The following BLM variants were observed in gnomAD, a reference collection of about 807,000 sequenced individuals.
The protein encoded by BLM is BLM RecQ like helicase.
Under a neutral mutation model 135.3 loss-of-function variants are expected in BLM, and 95 were observed. That is an observed-to-expected ratio of 0.70 (90% confidence interval 0.59 to 0.83). The LOEUF is 0.83. BLM is among the 40% of genes least tolerant of loss of function. BLM has a pLI of 0.00. For synonymous variants in BLM, 520 were observed against 589.2 expected (o/e 0.88, Z 1.70); for missense variants, 1,518 against 1,663.9 (o/e 0.91, Z 1.53).
intron 4 of BLM, among the ~76,000 whole-genome samples, chr15:90,754,244 A>G (rs530050096): frequency 1.1e-3 from 170 of 152,316 alleles, no homozygotes; most frequent in Middle Eastern, 0.01. Flanking sequence ...TATTTTTTCT[A>G]TGTAATCAGA....
intron 15 of BLM, 50 bp downstream of exon 15, chr15:90,790,894 T>G (rs766033083): frequency 2.6e-5 from 40 of 1,539,374 alleles, no homozygotes; most frequent in South Asian, 4.5e-5. Flanking sequence ...AGCCTCATGA[T>G]AGTAGTCTAC....
At position 90,795,855 on chromosome 15, in the gene BLM, C is replaced by T. The variant is rs556952725; in HGVS notation, c.3210+1498C>T. Among the ~76,000 whole-genome samples, 78 of 152,306 alleles carry T rather than the reference C, an allele frequency of 5.1e-4. 1 individual carries two copies. The South Asian group carries it at 0.016, about 31-fold the overall frequency. On this transcript the variant is annotated intron_variant, in intron 16 of 21. Coordinates refer to ENST00000355112, the MANE Select transcript of BLM (RefSeq NM_000057.4). ...GGAGGAATGGGTAGAGTGCAGGATG[C>T]AGTATTAGACGGGGTGGTCCTTGGA...
At chr15:90,805,105 G>C (rs1466511448) in intron 19 of BLM, among the ~76,000 whole-genome samples, 1 of 151,822 alleles carries the variant, frequency 6.6e-6, no homozygotes, top group Non-Finnish European at 1.5e-5. Context: ...CAAAGTGCTG[G>C]GATTATAGGC....
At position 90,804,150 on chromosome 15, in the gene BLM, G is replaced by C. The variant is rs568816868; in HGVS notation, c.3559-17G>C. Reference sequence around the variant, plus strand: ...GCACATATACCCACTCCTATGATTTGTTTCTCTCTCATAAAGGTAGACTTT... The same window carrying C: ...GCACATATACCCACTCCTATGATTTCTTTCTCTCTCATAAAGGTAGACTTT... On this transcript the variant is annotated splice_polypyrimidine_tract_variant and intron_variant, in intron 18 of 21. Coordinates refer to ENST00000355112, the MANE Select transcript of BLM (RefSeq NM_000057.4). The C allele has an allele frequency of 6.2e-7, 1 of 1,608,704 alleles. No individual in the cohort carries two copies. Among genetic ancestry groups the C allele is most frequent in the Non-Finnish European group, 8.5e-7 (1 of 1,175,642 alleles).
At chr15:90,800,653 G>A (rs189377981) in intron 17 of BLM, among the ~76,000 whole-genome samples, 81 of 151,528 alleles carry the variant, frequency 5.3e-4, no homozygotes, top group Non-Finnish European at 1.0e-3. Context: ...GCACTCCAGC[G>A]TGGGCAACAA....
chr15:90,801,656 C>G (rs1265234308), intron 17 of BLM, among the ~76,000 whole-genome samples: 1 of 152,104 alleles, frequency 6.6e-6, no homozygotes, highest in African/African-American at 2.4e-5. Flanking sequence ...GATTTCAGGT[C>G]CTTCTGTGTG....
intron 1 of BLM, among the ~76,000 whole-genome samples, chr15:90,727,518 G>T (rs28364258): frequency 0.01 from 1,544 of 151,964 alleles, 29 homozygotes; most frequent in African/African-American, 0.035. Context: ...CACTGATCAG[G>T]TTGTTTTACT....
intron 1 of BLM, among the ~76,000 whole-genome samples, chr15:90,745,189 T>C (rs911804941): frequency 6.6e-6 from 1 of 152,144 alleles, no homozygotes; most frequent in Non-Finnish European, 1.5e-5. Flanking sequence ...TCATAAGGAC[T>C]GAAGAGCCCG....
In BLM at chr15:90,769,521, G is replaced by A. The variant is rs765233032; in HGVS notation, c.2490G>A (p.Thr830=). ...KFPSVPVMAL[T]ATANPRVQKD... ...CTTCTGTTCCGGTGATGGCTCTTAC[G>A]GCCACAGCTAATCCCAGGGTACAGA... Residue 830 remains threonine, a synonymous_variant, in exon 12 of 22, where the codon ACG becomes ACA. Transcript: ENST00000355112. 21 of 1,613,654 alleles carry A rather than the reference G, an allele frequency of 1.3e-5. No individual in the cohort carries two copies. Among genetic ancestry groups the A allele is most frequent in the East Asian group, 1.1e-4 (5 of 44,886 alleles).
chr15:90,769,677 C>T (rs1313510257), intron 12 of BLM, 91 bp downstream of exon 12: 2 of 1,387,488 alleles, frequency 1.4e-6, no homozygotes, highest in African/African-American at 1.4e-5. Flanking sequence ...GCTTTAACGC[C>T]ACCACCCCAC....
At chr15:90,717,521 G>T (rs1894637510) in intron 1 of BLM, 81 bp downstream of exon 1, 2 of 152,802 alleles carry the variant, frequency 1.3e-5, no homozygotes. Context: ...GCTGGAGGCC[G>T]CTCGGGTTCT....
At chr15:90,789,244 T>C (rs1896838576) in intron 14 of BLM, among the ~76,000 whole-genome samples, 3 of 152,216 alleles carry the variant, frequency 2.0e-5, no homozygotes, top group Admixed American at 6.5e-5. Flanking sequence ...CAAAGAATGA[T>C]TGTGGCTTGA....
intron 17 of BLM, among the ~76,000 whole-genome samples, chr15:90,801,080 C>T (rs1299816729): frequency 1.3e-5 from 2 of 151,064 alleles, no homozygotes; most frequent in African/African-American, 4.9e-5. Flanking sequence ...ATCTGGGAGG[C>T]GGAGGTTGCA....
At chr15:90,800,240 A>G (rs1897132121) in intron 17 of BLM, among the ~76,000 whole-genome samples, 1 of 152,240 alleles carries the variant, frequency 6.6e-6, no homozygotes, top group Non-Finnish European at 1.5e-5. Flanking sequence ...CATCAGCTTA[A>G]TATCAGCAAT....
chr15:90,787,024 C>G (rs1425307052), intron 14 of BLM, among the ~76,000 whole-genome samples: 1 of 127,836 alleles, frequency 7.8e-6, no homozygotes, highest in African/African-American at 2.9e-5. Context: ...GCTGAAAATA[C>G]TTTAGGCATC....
chr15:90,784,936 T>C lies in BLM; in HGVS notation c.2678T>C (p.Ile893Thr). Residue 893 changes from isoleucine (I) to threonine (T), a missense_variant, in exon 14 of 22, where the codon ATT (isoleucine) becomes ACT (threonine). Physicochemically the swap from Ile to Thr is moderately conservative, Grantham distance 89. Around this residue, in one of 5 missense-constraint regions of BLM, gnomAD observed 626 missense variants for 681.1 expected, o/e 0.92. Coordinates refer to ENST00000355112, the MANE Select transcript of BLM (RefSeq NM_000057.4). ...TTCTTGGCAGATGATTCAGGGATAATTTACTGCCTCTCCAGGCGAGAATGT... is the reference window on the plus strand; with the variant it reads ...TTCTTGGCAGATGATTCAGGGATAACTTACTGCCTCTCCAGGCGAGAATGT... ...RKHHPYDSGI[I>T]YCLSRRECDT... The C allele has an allele frequency of 6.2e-7, 1 of 1,613,850 alleles. No homozygotes were observed. The highest frequency in any genetic ancestry group is 1.1e-5 in the South Asian group (1 of 91,066).
At position 90,770,612 on chromosome 15, in the gene BLM, AT is replaced by A. The variant is rs28385049; in HGVS notation, c.2555+1033del. ...AACTGTTGTGTGCCGAGTTTAAAGTATTTTTTTCTTCTGATTTATTAGTGTG... is the reference window on the plus strand; with the variant it reads ...AACTGTTGTGTGCCGAGTTTAAAGTATTTTTTCTTCTGATTTATTAGTGTG... On this transcript the variant is annotated intron_variant, in intron 12 of 21. Transcript: ENST00000355112. 4.6e-3 allele frequency among the ~76,000 whole-genome samples: 707 copies of A among 152,254 alleles called. 2 individuals carry two copies. The highest frequency in any genetic ancestry group is 7.6e-3 in the Non-Finnish European group (518 of 68,016).
chr15:90,750,766 A>G (rs570444253), intron 3 of BLM, among the ~76,000 whole-genome samples: 3 of 152,312 alleles, frequency 2.0e-5, no homozygotes, highest in Admixed American at 6.5e-5. Context: ...GTGCTATTTC[A>G]TTAGTTGTTC....
intron 1 of BLM, among the ~76,000 whole-genome samples, chr15:90,729,928 C>T: frequency 6.6e-6 from 1 of 152,114 alleles, no homozygotes; most frequent in African/African-American, 2.4e-5. Flanking sequence ...TCACTGCAAC[C>T]TCCGCCTCCC....
Sources: gnomAD v4.1 joint callset for allele counts (sites outside exome capture counted in the v4.1 genomes callset) on GRCh38, gnomAD v4.1.1 for gene constraint, gnomAD v4.1.1 regional missense constraint, MANE v1.5 for transcripts, NCBI Gene and HGNC (gene_info 2026-07-23, HGNC 2026-07-21) for gene names.